CDH13: variants seen among roughly 807,000 people sequenced by gnomAD.
CDH13 encodes the protein cadherin-13.
A neutral mutation model predicts 63.8 loss-of-function variants in CDH13; 24 were observed. The observed-to-expected ratio is 0.38, with a 90% CI of 0.27 to 0.53. The LOEUF (loss-of-function observed/expected upper bound fraction) is 0.53. Ranked by LOEUF, CDH13 falls within the 20% of genes least tolerant of loss-of-function variation. The probability of loss-of-function intolerance (pLI) is 0.85; values close to 1 mark genes in which losing one functional copy is unlikely to be tolerated. For missense variants in CDH13, 1,049 were observed against 903.1 expected (o/e 1.16, Z -2.07); for synonymous variants, 503 against 355.3 (o/e 1.42, Z -4.67).
intron 5 of CDH13, among the ~76,000 whole-genome samples, chr16:83,331,307 G>A (rs2090475486): frequency 6.6e-6 from 1 of 152,184 alleles, no homozygotes; most frequent in Non-Finnish European, 1.5e-5. Context: ...GTTCTGTCAG[G>A]TGCATTGAGA....
intron 11 of CDH13, among the ~76,000 whole-genome samples, chr16:83,771,608 A>G (rs1269159899): frequency 6.6e-6 from 1 of 152,246 alleles, no homozygotes; most frequent in Non-Finnish European, 1.5e-5. Flanking sequence ...CAAAGGAAAG[A>G]AAATGATAAC....
intron 11 of CDH13, among the ~76,000 whole-genome samples, chr16:83,755,860 CAT>C (rs1913468950): frequency 6.6e-6 from 1 of 150,676 alleles, no homozygotes; most frequent in Non-Finnish European, 1.5e-5. Context: ...ACACAAGAAA[CAT>C]AAATAAAAAT....
chr16:83,132,864 C>T (rs1225180716), intron 4 of CDH13, among the ~76,000 whole-genome samples: 3 of 152,148 alleles, frequency 2.0e-5, no homozygotes, highest in Non-Finnish European at 2.9e-5. Context: ...TTGAGATGAA[C>T]ATCACAGTTT....
chr16:82,846,484 A>G (rs1203998305), intron 1 of CDH13, among the ~76,000 whole-genome samples: 2 of 152,238 alleles, frequency 1.3e-5, no homozygotes, highest in Non-Finnish European at 2.9e-5. Flanking sequence ...ATGGGAGTAG[A>G]CACAATTATT....
At chr16:82,911,181 GA>G (rs1286197418) in intron 2 of CDH13, among the ~76,000 whole-genome samples, 14 of 152,320 alleles carry the variant, frequency 9.2e-5, no homozygotes, top group Admixed American at 4.6e-4. Context: ...CCCGAGCGCT[GA>G]AATTCTTTGC....
chr16:82,763,006 C>T (rs1436937491), intron 1 of CDH13, among the ~76,000 whole-genome samples: 2 of 152,094 alleles, frequency 1.3e-5, no homozygotes, highest in African/African-American at 4.8e-5. Context: ...CGTGGTGCTA[C>T]TGTGTGAAAA....
Position 83,657,168 on chromosome 16 carries a change from C to G in CDH13, c.1102-13622C>G, listed in dbSNP as rs8050883. ...TTTGAGAAACTAACAGACTGTGGAT[C>G]CAGCTCATTGTAAAGAAACAGCCAT... On this transcript the variant is annotated intron_variant, in intron 8 of 13. Coordinates refer to ENST00000567109, the MANE Select transcript of CDH13 (RefSeq NM_001257.5). 6.6e-3 allele frequency among the ~76,000 whole-genome samples: 1,002 copies of G among 152,252 alleles called. 17 individuals are homozygous for G. The highest frequency in any genetic ancestry group is 0.023 in the African/African-American group (949 of 41,534).
intron 8 of CDH13, among the ~76,000 whole-genome samples, chr16:83,648,180 C>T (rs966033107): frequency 4.6e-5 from 7 of 152,080 alleles, no homozygotes; most frequent in African/African-American, 1.7e-4. Context: ...TAATAAAACA[C>T]GGATGTTTCA....
In CDH13 at chr16:83,456,050, C is replaced by T. The variant is rs1307760314; in HGVS notation, c.782-30427C>T. ...AGCGAGGCTGGAGTTCTGAGCCTTT[C>T]TCACCTGCGTTCCAATATCCAGCCC... On this transcript the variant is annotated intron_variant, in intron 6 of 13. Transcript: ENST00000567109. 2.6e-5 allele frequency among the ~76,000 whole-genome samples: 4 copies of T among 152,234 alleles called. No homozygotes were observed. In the South Asian group the frequency reaches 6.2e-4, roughly 24 times the overall value.
chr16:82,885,213 T>C (rs1022088793), intron 2 of CDH13, among the ~76,000 whole-genome samples: 3 of 152,228 alleles, frequency 2.0e-5, no homozygotes, highest in Admixed American at 2.0e-4. Flanking sequence ...TGTAAGTAAT[T>C]TTAATGTAAA....
intron 1 of CDH13, among the ~76,000 whole-genome samples, chr16:82,836,735 G>A (rs1490178643): frequency 6.6e-6 from 1 of 152,180 alleles, no homozygotes; most frequent in South Asian, 2.1e-4. Flanking sequence ...CCTGGGCTCA[G>A]CTTAGAAAGG....
intron 5 of CDH13, among the ~76,000 whole-genome samples, chr16:83,238,627 T>A (rs1389953850): frequency 6.6e-6 from 1 of 152,206 alleles, no homozygotes; most frequent in Non-Finnish European, 1.5e-5. Context: ...CTAGGTTGGT[T>A]CTGGGTAGGT....
intron 7 of CDH13, among the ~76,000 whole-genome samples, chr16:83,576,944 G>C (rs561639484): frequency 6.6e-6 from 1 of 152,196 alleles, no homozygotes; most frequent in Non-Finnish European, 1.5e-5. Flanking sequence ...CATTCTGTAA[G>C]TTGTCTTTTC....
intron 7 of CDH13, among the ~76,000 whole-genome samples, chr16:83,521,422 T>A (rs1032412984): frequency 6.6e-6 from 1 of 151,974 alleles, no homozygotes; most frequent in South Asian, 2.1e-4. Flanking sequence ...AGCGGCCAGG[T>A]GACCTTTAGC....
chr16:82,790,937 A>C (rs2036267075), intron 1 of CDH13, among the ~76,000 whole-genome samples: 1 of 152,188 alleles, frequency 6.6e-6, no homozygotes, highest in South Asian at 2.1e-4. Flanking sequence ...TTCCTAGGCC[A>C]ACTAAGAATT....
intron 10 of CDH13, among the ~76,000 whole-genome samples, chr16:83,743,764 TTTTC>T (rs1292274813): frequency 6.7e-5 from 9 of 134,452 alleles, no homozygotes; most frequent in Admixed American, 1.5e-4. Context: ...TTTTTTTTTT[TTTTC>T]TTTGCTTTTT....
At chr16:83,184,628 G>A (rs913606284) in intron 4 of CDH13, among the ~76,000 whole-genome samples, 4 of 152,230 alleles carry the variant, frequency 2.6e-5, no homozygotes, top group Admixed American at 1.3e-4. Flanking sequence ...GGTGGTGCAC[G>A]CCTGTAGTCC....
chr16:83,773,564 C>T (rs144661029), intron 11 of CDH13, among the ~76,000 whole-genome samples: 1 of 152,270 alleles, frequency 6.6e-6, no homozygotes, highest in African/African-American at 2.4e-5. Context: ...AAACCACCCC[C>T]ATGATCCAAT....
intron 2 of CDH13, among the ~76,000 whole-genome samples, chr16:82,966,729 T>C (rs1907893345): frequency 6.6e-6 from 1 of 152,246 alleles, no homozygotes; most frequent in African/African-American, 2.4e-5. Context: ...TATTATCACA[T>C]TTACTTAATG....
Sources: allele counts gnomAD v4.1 joint callset (sites outside exome capture counted in the v4.1 genomes callset), GRCh38; gene constraint gnomAD v4.1.1; transcripts MANE v1.5; gene names NCBI Gene and HGNC (gene_info 2026-07-23, HGNC 2026-07-21).